Variants in VRK2 observed in about 807,000 individuals in gnomAD.
VRK2 encodes the protein serine/threonine-protein kinase VRK2.
A neutral mutation model predicts 57.6 loss-of-function variants in VRK2; 60 were observed. That is an observed-to-expected ratio of 1.04 (90% CI 0.85 to 1.29). VRK2 has a LOEUF of 1.29. VRK2 is among the 50% of genes most tolerant of loss of function. The pLI is 0.00. For synonymous variants in VRK2, 231 were observed against 199.2 expected (o/e 1.16, Z -1.35); for missense variants, 705 against 588.1 (o/e 1.20, Z -2.06).
chr2:58,113,028 AG>A (rs1176897542), intron 7 of VRK2, among the ~76,000 whole-genome samples: 1 of 152,092 alleles, frequency 6.6e-6, no homozygotes, highest in Non-Finnish European at 1.5e-5. Flanking sequence ...TTGCATTTCT[AG>A]GCCAGGCACA....
chr2:57,925,704 T>G (rs973367342), intron 1 of VRK2, among the ~76,000 whole-genome samples: 1 of 151,830 alleles, frequency 6.6e-6, no homozygotes, highest in Admixed American at 6.6e-5. Context: ...CTGCTCTGAT[T>G]TATTATTTTT....
At chr2:58,054,314 A>G (rs1676190489) in intron 2 of VRK2, among the ~76,000 whole-genome samples, 1 of 151,734 alleles carries the variant, frequency 6.6e-6, no homozygotes, top group African/African-American at 2.4e-5. Flanking sequence ...AAAATACTCT[A>G]TTCTTCAGTG....
chr2:58,002,779 G>A (rs1413691442), intron 1 of VRK2, among the ~76,000 whole-genome samples: 1 of 152,162 alleles, frequency 6.6e-6, no homozygotes, highest in African/African-American at 2.4e-5. Flanking sequence ...GTTTGTAAAT[G>A]TATTTTCACA....
chr2:58,075,588 A>T (rs192025566), intron 2 of VRK2, among the ~76,000 whole-genome samples: 1 of 152,226 alleles, frequency 6.6e-6, no homozygotes, highest in East Asian at 1.9e-4. Flanking sequence ...CCTGACTGGT[A>T]CAAGATGGTA....
intron 7 of VRK2, among the ~76,000 whole-genome samples, chr2:58,113,950 A>C (rs559308532): frequency 6.6e-6 from 1 of 152,106 alleles, no homozygotes; most frequent in South Asian, 2.1e-4. Flanking sequence ...GTATGGAGAG[A>C]GAATGGGCGA....
At chr2:58,002,509 T>C (rs542608806) in intron 1 of VRK2, among the ~76,000 whole-genome samples, 20 of 152,046 alleles carry the variant, frequency 1.3e-4, no homozygotes, top group Non-Finnish European at 2.1e-4. Flanking sequence ...TGTGTGAAGA[T>C]AGGTAGTGGA....
intron 10 of VRK2, among the ~76,000 whole-genome samples, chr2:58,138,857 C>T (rs1055542100): frequency 6.6e-6 from 1 of 152,090 alleles, no homozygotes; most frequent in Non-Finnish European, 1.5e-5. Context: ...ACTTCTATTC[C>T]AATTTTAGGT....
chr2:57,982,412 C>T (rs1672448406), intron 1 of VRK2, among the ~76,000 whole-genome samples: 1 of 152,220 alleles, frequency 6.6e-6, no homozygotes, highest in African/African-American at 2.4e-5. Flanking sequence ...GCACTAGTGT[C>T]ACTTCACCAA....
intron 7 of VRK2, among the ~76,000 whole-genome samples, chr2:58,119,158 G>C (rs1454151645): frequency 6.6e-6 from 1 of 152,122 alleles, no homozygotes; most frequent in African/African-American, 2.4e-5. Flanking sequence ...TACAGAGAGA[G>C]ATCTTGGTTC....
intron 1 of VRK2, among the ~76,000 whole-genome samples, chr2:57,924,223 T>A (rs577554516): frequency 6.6e-6 from 1 of 152,162 alleles, no homozygotes; most frequent in East Asian, 1.9e-4. Context: ...TGTGATTCCA[T>A]ATAAATTTTA....
intron 2 of VRK2, among the ~76,000 whole-genome samples, chr2:58,049,918 A>G (rs769056483): frequency 2.0e-4 from 30 of 152,230 alleles, no homozygotes; most frequent in Non-Finnish European, 1.0e-4. Context: ...TGGTCAATAA[A>G]TATCTGCTTA....
At chr2:57,964,495 C>T (rs576784353) in intron 1 of VRK2, among the ~76,000 whole-genome samples, 1 of 152,020 alleles carries the variant, frequency 6.6e-6, no homozygotes, top group African/African-American at 2.4e-5. Flanking sequence ...GGCACACTCA[C>T]AGCAATTTGT....
At position 57,985,673 on chromosome 2, in the gene VRK2, C is replaced by T. The variant is rs142199572; in HGVS notation, c.-438-39992C>T. The stretch of plus-strand genomic sequence containing the variant: ...TAAGGATGTTCTGCTCTCACCAATC[C>T]TGTTCAAAATCATACTGAAGGTCAT... On this transcript the variant is annotated intron_variant, in intron 1 of 15. Coordinates refer to the VRK2 transcript ENST00000417641. Among the ~76,000 whole-genome samples the T allele has an allele frequency of 4.5e-3, 680 of 152,104 alleles. 2 individuals carry two copies. Among genetic ancestry groups the T allele is most frequent in the African/African-American group, 0.015 (606 of 41,498 alleles).
chr2:57,923,762 G>C (rs1353113496), intron 1 of VRK2, among the ~76,000 whole-genome samples: 2 of 151,690 alleles, frequency 1.3e-5, no homozygotes, highest in Non-Finnish European at 2.9e-5. Flanking sequence ...TTTTGCTTTG[G>C]TTGCCTTTGC....
chr2:58,001,105 G>A (rs1673075310), intron 1 of VRK2, among the ~76,000 whole-genome samples: 1 of 152,120 alleles, frequency 6.6e-6, no homozygotes, highest in Non-Finnish European at 1.5e-5. Flanking sequence ...TATTAAATTA[G>A]AGAAGCAGAT....
At chr2:57,962,026 G>A (rs1227129924) in intron 1 of VRK2, among the ~76,000 whole-genome samples, 2 of 152,184 alleles carry the variant, frequency 1.3e-5, no homozygotes, top group Admixed American at 6.5e-5. Flanking sequence ...ATACTAAGCC[G>A]TGATTGCGCC....
At chr2:58,056,566 C>T (rs1039890925) in intron 2 of VRK2, among the ~76,000 whole-genome samples, 1 of 152,034 alleles carries the variant, frequency 6.6e-6, no homozygotes, top group African/African-American at 2.4e-5. Flanking sequence ...CCAACCTGTT[C>T]TGCTTAGGTA....
chr2:57,918,073 T>C (rs984286966), intron 1 of VRK2, among the ~76,000 whole-genome samples: 2 of 152,120 alleles, frequency 1.3e-5, no homozygotes, highest in Non-Finnish European at 2.9e-5. Context: ...AATTCCAGCA[T>C]GTGAAGCTTA....
intron 2 of VRK2, among the ~76,000 whole-genome samples, chr2:58,070,722 T>G (rs1420680396): frequency 6.6e-6 from 1 of 152,170 alleles, no homozygotes; most frequent in Non-Finnish European, 1.5e-5. Flanking sequence ...GAAGTATGTC[T>G]GGGGGTGGAT....
Sources: gnomAD v4.1 joint callset for allele counts (sites outside exome capture counted in the v4.1 genomes callset) on GRCh38, gnomAD v4.1.1 for gene constraint, MANE v1.5 for transcripts, NCBI Gene and HGNC (gene_info 2026-07-23, HGNC 2026-07-21) for gene names.